The following FAM135B variants were observed in gnomAD, a reference collection of about 807,000 sequenced individuals.
FAM135B encodes the protein family with sequence similarity 135 member B, also known as protein FAM135B.
Under a neutral mutation model 127.7 loss-of-function variants are expected in FAM135B, and 43 were observed. The ratio of observed to expected loss-of-function variants is 0.34; its 90% CI spans 0.26 to 0.43. The LOEUF is 0.43. Ranked by LOEUF, FAM135B falls within the 20% of genes least tolerant of loss-of-function variation. The pLI, the probability that FAM135B is intolerant of heterozygous loss-of-function variation, is 1.00. For synonymous variants in FAM135B, 670 were observed against 665.1 expected, an observed-to-expected ratio of 1.01 and a Z score of -0.11; for missense variants, 1,558 against 1,725.6, an observed-to-expected ratio of 0.90 and a Z score of 1.72.
At chr8:138,427,424 T>A (rs1212583388) in intron 1 of FAM135B, among the ~76,000 whole-genome samples, 1 of 152,044 alleles carries the variant, frequency 6.6e-6, no homozygotes, top group African/African-American at 2.4e-5. Context: ...AAATTTCTCA[T>A]TTTTTATCCT....
intron 1 of FAM135B, among the ~76,000 whole-genome samples, chr8:138,402,072 A>G (rs1157375): frequency 0.99 from 151,334 of 152,270 alleles, 75,205 homozygotes; most frequent in Middle Eastern, 1. Flanking sequence ...GAGAGTGAGA[A>G]CTGGTGCTGA....
chr8:138,483,139 C>T (rs1175383413), intron 1 of FAM135B, among the ~76,000 whole-genome samples: 1 of 152,076 alleles, frequency 6.6e-6, no homozygotes, highest in African/African-American at 2.4e-5. Flanking sequence ...TAAATCAATG[C>T]TTAAAGTGCA....
intron 1 of FAM135B, among the ~76,000 whole-genome samples, chr8:138,494,113 C>T (rs184396740): frequency 1.0e-3 from 152 of 152,296 alleles, no homozygotes; most frequent in African/African-American, 3.6e-3. Context: ...CATTTTAAAG[C>T]AAAATATGTG....
intron 1 of FAM135B, among the ~76,000 whole-genome samples, chr8:138,412,719 TC>T (rs1183768677): frequency 2.6e-5 from 4 of 152,196 alleles, no homozygotes; most frequent in Admixed American, 2.6e-4. Flanking sequence ...ATACATGATT[TC>T]CCCTTTCCTT....
At chr8:138,189,025 G>T (rs1815857743) in intron 9 of FAM135B, among the ~76,000 whole-genome samples, 1 of 152,204 alleles carries the variant, frequency 6.6e-6, no homozygotes, top group Non-Finnish European at 1.5e-5. Flanking sequence ...TTTCCTGCTT[G>T]AATGTTGCCT....
Position 138,394,689 on chromosome 8 carries a change from TCTCTCGACCCCACAAC to T in FAM135B, c.-19-26703_-19-26688del, listed in dbSNP as rs530344780. Among the ~76,000 whole-genome samples, 1,465 of 152,228 alleles carry T rather than the reference TCTCTCGACCCCACAAC, an allele frequency of 9.6e-3. 19 individuals carry two copies. Among genetic ancestry groups the T allele is most frequent in the African/African-American group, 0.034 (1,401 of 41,524 alleles). On this transcript the variant is annotated intron_variant, in intron 1 of 19. Transcript: ENST00000395297. ...CATGTTCTGAGTCCTCTGCATGAGT[TCTCTCGACCCCACAAC>T]AGGCCTGTGTGAGTTTGTGTTCCTA...
At chr8:138,352,565 C>G (rs956131037) in intron 2 of FAM135B, among the ~76,000 whole-genome samples, 1 of 152,200 alleles carries the variant, frequency 6.6e-6, no homozygotes, top group African/African-American at 2.4e-5. Context: ...TTCACTCTCC[C>G]TGACCCTCTG....
chr8:138,378,771 A>G (rs1458760093), intron 1 of FAM135B, among the ~76,000 whole-genome samples: 1 of 152,144 alleles, frequency 6.6e-6, no homozygotes, highest in African/African-American at 2.4e-5. Flanking sequence ...TGCAAATAGA[A>G]GCATCCCACA....
intron 7 of FAM135B, among the ~76,000 whole-genome samples, chr8:138,230,045 C>T (rs1042441862): frequency 3.3e-5 from 5 of 152,124 alleles, no homozygotes; most frequent in African/African-American, 1.2e-4. Flanking sequence ...GAGAGTAGCA[C>T]ATAAAATATT....
intron 1 of FAM135B, among the ~76,000 whole-genome samples, chr8:138,434,103 A>C (rs1239382186): frequency 6.6e-6 from 1 of 152,234 alleles, no homozygotes; most frequent in East Asian, 1.9e-4. Context: ...AGCTTTAGTC[A>C]CAAGGACAAA....
At chr8:138,179,429 G>C (rs1814794268) in intron 9 of FAM135B, among the ~76,000 whole-genome samples, 1 of 152,218 alleles carries the variant, frequency 6.6e-6, no homozygotes, top group Non-Finnish European at 1.5e-5. Flanking sequence ...CTTTGGTAGA[G>C]TTACTGTGGC....
intron 1 of FAM135B, among the ~76,000 whole-genome samples, chr8:138,460,781 C>T (rs547065077): frequency 6.6e-5 from 10 of 152,122 alleles, no homozygotes; most frequent in East Asian, 1.9e-4. Flanking sequence ...TTTCTTCTTC[C>T]CTGAACAGAG....
intron 9 of FAM135B, among the ~76,000 whole-genome samples, chr8:138,180,674 C>A (rs1814935667): frequency 1.3e-5 from 2 of 152,182 alleles, no homozygotes; most frequent in East Asian, 3.8e-4. Flanking sequence ...CAGTAAGGTT[C>A]TGTAAATGTT....
At chr8:138,206,464 G>A (rs1320723984) in intron 7 of FAM135B, among the ~76,000 whole-genome samples, 5 of 91,988 alleles carry the variant, frequency 5.4e-5, no homozygotes, top group African/African-American at 1.3e-4. Context: ...CACAACTCCA[G>A]CATCCCCTCC....
In FAM135B at chr8:138,152,915, A is replaced by T. The variant is rs768804254; in HGVS notation, c.1560T>A (p.Thr520=). Residue 520 remains threonine (T), a synonymous_variant, in exon 13 of 20, where the codon ACT becomes ACA. Transcript: ENST00000395297. ...KAGVPEDECW[T]GQTSDAGTYP... ...ATGTCCCAGCATCAGATGTTTGGCC[A>T]GTCCAACATTCATCTTCAGGCACAC... 1.2e-6 allele frequency: 2 copies of T among 1,614,236 alleles called. No individual in the cohort carries two copies. The highest frequency in any genetic ancestry group is 3.3e-5 in the Admixed American group (2 of 60,032).
intron 1 of FAM135B, chr8:138,437,927 G>T (rs1022530759): frequency 4.6e-5 from 7 of 152,112 alleles, no homozygotes; most frequent in Non-Finnish European, 8.8e-5. Flanking sequence ...ATTCCGAAGG[G>T]CAATGAAATT....
chr8:138,290,723 T>C (rs1226791864), intron 3 of FAM135B, among the ~76,000 whole-genome samples: 1 of 152,084 alleles, frequency 6.6e-6, no homozygotes, highest in East Asian at 1.9e-4. Flanking sequence ...GTGCAGGGAT[T>C]TGGTTGCAAG....
At position 138,201,403 on chromosome 8, in the gene FAM135B, A is replaced by C. The variant is rs149576782; in HGVS notation, c.670-3734T>G. Among the ~76,000 whole-genome samples the C allele has an allele frequency of 3.2e-4, 48 of 152,356 alleles. No individual in the cohort carries two copies. In the East Asian group the frequency reaches 8.7e-3, roughly 28 times the overall value. On this transcript the variant is annotated intron_variant, in intron 7 of 19. Transcript: ENST00000395297. ...GATTCAGCATGATTATTGAAATAAT[A>C]ATAAGTCAAAATGCTAATCCAAAGA...
intron 2 of FAM135B, among the ~76,000 whole-genome samples, chr8:138,348,297 G>A (rs563699668): frequency 4.6e-5 from 7 of 151,660 alleles, no homozygotes; most frequent in South Asian, 4.2e-4. Flanking sequence ...ACCACACCCC[G>A]CTAATTTTTG....
Sources: gnomAD v4.1 joint callset for allele counts (sites outside exome capture counted in the v4.1 genomes callset) on GRCh38, gnomAD v4.1.1 for gene constraint, MANE v1.5 for transcripts, NCBI Gene and HGNC (gene_info 2026-07-23, HGNC 2026-07-21) for gene names.